Variants in INTS15 observed in about 807,000 individuals in gnomAD.
The protein encoded by INTS15 is uncharacterized protein C7orf26.
the INTS15 span, chr7:6,590,115 G>T: frequency 8.7e-6 from 4 of 461,838 alleles, no homozygotes; most frequent in Non-Finnish European, 1.4e-5. Context: ...GGCGGCAGCA[G>T]CGATGGCCCC....
the INTS15 span, chr7:6,602,555 G>A: frequency 3.6e-5 from 15 of 411,350 alleles, no homozygotes; most frequent in East Asian, 5.0e-4. Flanking sequence ...GGTTCTGGGC[G>A]CGGCCCTGTC....
the INTS15 span, chr7:6,600,045 A>T: frequency 1.5e-5 from 25 of 1,614,194 alleles, no homozygotes; most frequent in Non-Finnish European, 2.0e-5. Context: ...TCCAATGGCC[A>T]TGTCAGCAAC....
At chr7:6,590,583 C>T in the INTS15 span, 1 of 1,390,366 alleles carries the variant, frequency 7.2e-7, no homozygotes, top group Non-Finnish European at 9.3e-7. Flanking sequence ...GTCCAGGATC[C>T]CCGCGCTCGC....
At chr7:6,602,252 CATG>C in the INTS15 span, 2 of 803,716 alleles carry the variant, frequency 2.5e-6, no homozygotes, top group Non-Finnish European at 4.0e-6. Context: ...CCAGTAAGCA[CATG>C]ATGATAAGTG....
the INTS15 span, among the ~76,000 whole-genome samples, chr7:6,600,623 C>G: frequency 6.6e-6 from 1 of 152,142 alleles, no homozygotes; most frequent in Non-Finnish European, 1.5e-5. Context: ...GCTTTCCTTC[C>G]AAGGAACCCT....
At chr7:6,597,641 G>A in the INTS15 span, among the ~76,000 whole-genome samples, 3 of 152,218 alleles carry the variant, frequency 2.0e-5, no homozygotes, top group African/African-American at 4.8e-5. Flanking sequence ...AACAGAAACT[G>A]GCCTTACCAT....
At chr7:6,605,755 G>A in the INTS15 span, among the ~76,000 whole-genome samples, 1 of 152,120 alleles carries the variant, frequency 6.6e-6, no homozygotes, top group African/African-American at 2.4e-5. Flanking sequence ...CTGGAGTGCC[G>A]TGGTGTGATC....
At chr7:6,608,357 G>A in the INTS15 span, 2 of 1,422,936 alleles carry the variant, frequency 1.4e-6, no homozygotes, top group African/African-American at 1.5e-5. Context: ...GATGGTGGAG[G>A]GAAGAGTCCA....
At chr7:6,606,730 A>G in the INTS15 span, among the ~76,000 whole-genome samples, 1 of 147,308 alleles carries the variant, frequency 6.8e-6, no homozygotes, top group African/African-American at 2.5e-5. Flanking sequence ...ACAGGGACTC[A>G]CACTGGCTCC....
At chr7:6,602,817 A>G in the INTS15 span, 36 of 462,648 alleles carry the variant, frequency 7.8e-5, no homozygotes, top group Middle Eastern at 1.4e-3. Context: ...CCAAAAGTCC[A>G]TATGTCCTTG....
At chr7:6,600,714 G>A in the INTS15 span, among the ~76,000 whole-genome samples, 1 of 152,120 alleles carries the variant, frequency 6.6e-6, no homozygotes, top group Non-Finnish European at 1.5e-5. Flanking sequence ...CTGTAGTGCA[G>A]TGGCACGATC....
the INTS15 span, chr7:6,608,063 G>A: frequency 6.3e-7 from 1 of 1,597,828 alleles, no homozygotes; most frequent in Non-Finnish European, 8.5e-7. Flanking sequence ...GGGCTACGGG[G>A]CTGTCCCGGC....
the INTS15 span, among the ~76,000 whole-genome samples, chr7:6,598,593 G>T: frequency 1.3e-5 from 2 of 152,072 alleles, no homozygotes; most frequent in African/African-American, 2.4e-5. Flanking sequence ...CAGATGGTGG[G>T]CACAGCCCCA....
chr7:6,606,011 T>A, the INTS15 span, among the ~76,000 whole-genome samples: 1 of 151,926 alleles, frequency 6.6e-6, no homozygotes, highest in African/African-American at 2.4e-5. Context: ...CCTCTTAGAT[T>A]TGTGACAGTC....
chr7:6,605,209 G>A, the INTS15 span, among the ~76,000 whole-genome samples: 48 of 152,152 alleles, frequency 3.2e-4, no homozygotes, highest in Non-Finnish European at 5.1e-4. Flanking sequence ...GGCTGGTCTC[G>A]AACTCCTGAC....
At chr7:6,595,401 C>T in the INTS15 span, among the ~76,000 whole-genome samples, 1 of 151,978 alleles carries the variant, frequency 6.6e-6, no homozygotes, top group African/African-American at 2.4e-5. Context: ...TGGACTCAAG[C>T]AGTCCTCCCA....
chr7:6,591,673 C>T, the INTS15 span: 1 of 1,614,202 alleles, frequency 6.2e-7, no homozygotes, highest in Non-Finnish European at 8.5e-7. Flanking sequence ...GGAGCTTCAA[C>T]TTCTTGAAAT....
the INTS15 span, among the ~76,000 whole-genome samples, chr7:6,601,359 G>A: frequency 2.6e-5 from 4 of 151,900 alleles, no homozygotes; most frequent in Non-Finnish European, 4.4e-5. Context: ...GCAGTGGTGC[G>A]ATCTCGGCTC....
At chr7:6,607,869 GCGGGGTGCGGGGGGA>G in the INTS15 span, 3 of 1,552,270 alleles carry the variant, frequency 1.9e-6, no homozygotes, top group Non-Finnish European at 2.6e-6. The surrounding 1 kb of genome is among the most constrained non-coding windows in gnomAD (Gnocchi z 6.0). Flanking sequence ...CCTCTCCTGG[GCGGGGTGCGGGGGGA>G]CGGGGTCAGC....
Sources: allele counts gnomAD v4.1 joint callset (sites outside exome capture counted in the v4.1 genomes callset), GRCh38; gene constraint gnomAD v4.1.1; non-coding constraint Gnocchi (gnomAD v3.1); transcripts MANE v1.5; gene names NCBI Gene and HGNC (gene_info 2026-07-23, HGNC 2026-07-21).